The following CEP57 variants were observed in gnomAD, a reference collection of about 807,000 sequenced individuals.
CEP57 encodes centrosomal protein of 57 kDa.
A neutral mutation model predicts 68.0 loss-of-function variants in CEP57; 40 were observed. The observed-to-expected ratio is 0.59, with a 90% CI of 0.46 to 0.77. The LOEUF (loss-of-function observed/expected upper bound fraction) is 0.77, where lower values mean the gene tolerates loss of function less well. Ranked by LOEUF, CEP57 falls within the 30% of genes least tolerant of loss-of-function variation. The pLI is 0.00. For missense variants in CEP57, 606 were observed against 580.7 expected (o/e 1.04, Z -0.45); for synonymous variants, 219 against 198.7 (o/e 1.10, Z -0.86).
At chr11:95,822,066 A>G (rs530427449) in intron 7 of CEP57, 88 bp downstream of exon 7, 129 of 849,652 alleles carry the variant, frequency 1.5e-4, no homozygotes, top group Non-Finnish European at 2.5e-4. Context: ...GTGTACTACA[A>G]CCTTGAGAGA....
chr11:95,790,276 A>C, upstream of CEP57: 1 of 261,894 alleles, frequency 3.8e-6, no homozygotes, highest in Non-Finnish European at 7.5e-6. Flanking sequence ...TTCAGTTGCC[A>C]CTGGCGACAC....
chr11:95,806,508 A>G (rs1396379342), intron 2 of CEP57, among the ~76,000 whole-genome samples: 1 of 152,162 alleles, frequency 6.6e-6, no homozygotes, highest in Non-Finnish European at 1.5e-5. Context: ...CTGGAAAATC[A>G]GGACACTCCC....
chr11:95,828,092 T>G, intron 9 of CEP57, 65 bp downstream of exon 9: 1 of 1,523,374 alleles, frequency 6.6e-7, no homozygotes, highest in Non-Finnish European at 8.9e-7. Context: ...AAAAACTTGT[T>G]GACTTTATTA....
At chr11:95,814,469 T>G (rs1364725468) in intron 4 of CEP57, among the ~76,000 whole-genome samples, 1 of 151,306 alleles carries the variant, frequency 6.6e-6, no homozygotes, top group Non-Finnish European at 1.5e-5. Context: ...CAAGTGATTC[T>G]CCTGCCTCAG....
At chr11:95,803,716 T>C (rs987555309) in intron 2 of CEP57, among the ~76,000 whole-genome samples, 11 of 151,386 alleles carry the variant, frequency 7.3e-5, no homozygotes, top group African/African-American at 2.7e-4. Context: ...GGCTTGTAAC[T>C]AGCTTCATTT....
At chr11:95,791,813 C>G in intron 1 of CEP57, among the ~76,000 whole-genome samples, 1 of 152,022 alleles carries the variant, frequency 6.6e-6, no homozygotes. Flanking sequence ...GGAGTATGTG[C>G]TAGAACAGTA....
chr11:95,806,583 C>A (rs1005195007), intron 2 of CEP57, among the ~76,000 whole-genome samples: 4 of 150,958 alleles, frequency 2.6e-5, no homozygotes, highest in Non-Finnish European at 4.4e-5. Context: ...TATCCTGTTC[C>A]TGGCTCTGAG....
At chr11:95,790,338 C>T, upstream of CEP57, 1 of 384,952 alleles carries the variant, frequency 2.6e-6, no homozygotes, top group Middle Eastern at 7.6e-4. Flanking sequence ...CCGTAGAATC[C>T]CCGCAGAGCC....
At position 95,817,797 on chromosome 11, in the gene CEP57, A is replaced by G. The variant is rs2135337872; in HGVS notation, c.515A>G (p.Glu172Gly). 1.2e-6 allele frequency: 2 copies of G among 1,611,916 alleles called. No homozygotes were observed. The highest frequency in any genetic ancestry group is 2.2e-5 in the East Asian group (1 of 44,804). The change falls in exon 5 of 11, where the codon GAA (glutamate) becomes GGA (glycine). Residue 172 changes from glutamate (E) to glycine (G), a missense_variant. Transcript: ENST00000325542. ...AATATTGTTTTTCAGGTTTCCCTAGAAAGAGAACGACAACATGATCAAACA... is the reference window on the plus strand; with the variant it reads ...AATATTGTTTTTCAGGTTTCCCTAGGAAGAGAACGACAACATGATCAAACA... ...TSVLEKQVSL[E>G]RERQHDQTHV... is the part of the protein sequence containing the mutation.
At chr11:95,800,925 G>A (rs1285699263) in intron 2 of CEP57, among the ~76,000 whole-genome samples, 1 of 152,202 alleles carries the variant, frequency 6.6e-6, no homozygotes, top group Non-Finnish European at 1.5e-5. Context: ...TATTTGGGAT[G>A]CTGTGGCATT....
In CEP57 at chr11:95,790,759, C is replaced by T. The variant is rs374203661; in HGVS notation, c.45+16C>T. 9.3e-6 allele frequency: 15 copies of T among 1,613,532 alleles called. No homozygotes were observed. Among genetic ancestry groups the T allele is most frequent in the Admixed American group, 1.7e-5 (1 of 59,966 alleles). ...TCACTTGTCGGTAAGAAGCAGTTGGCGCGAGTGGGCCCCACGTCGGCCCTA... is the reference window on the plus strand; with the variant it reads ...TCACTTGTCGGTAAGAAGCAGTTGGTGCGAGTGGGCCCCACGTCGGCCCTA... On this transcript the variant is annotated intron_variant, in intron 1 of 10. Coordinates refer to ENST00000325542, the MANE Select transcript of CEP57 (RefSeq NM_014679.5).
At chr11:95,803,369 G>A (rs1336125441) in intron 2 of CEP57, among the ~76,000 whole-genome samples, 1 of 152,152 alleles carries the variant, frequency 6.6e-6, no homozygotes, top group African/African-American at 2.4e-5. Context: ...CATCATCAAG[G>A]ATACAGTAGT....
At chr11:95,797,045 C>T (rs1332681178) in intron 1 of CEP57, among the ~76,000 whole-genome samples, 1 of 152,096 alleles carries the variant, frequency 6.6e-6, no homozygotes, top group African/African-American at 2.4e-5. Context: ...GCTTTCATTA[C>T]ATAAATACAT....
intron 2 of CEP57, among the ~76,000 whole-genome samples, chr11:95,803,664 G>A (rs1007084054): frequency 1.5e-4 from 23 of 148,980 alleles, no homozygotes; most frequent in Admixed American, 6.8e-4. Flanking sequence ...AGAACATTAG[G>A]GACTCAAACA....
intron 2 of CEP57, among the ~76,000 whole-genome samples, chr11:95,806,548 T>C (rs1228050980): frequency 6.6e-6 from 1 of 152,152 alleles, no homozygotes; most frequent in Non-Finnish European, 1.5e-5. Flanking sequence ...CCAATGGTCT[T>C]AGCAAACGGC....
Position 95,829,203 on chromosome 11 carries a change from G to A in CEP57, c.1144G>A (p.Ala382Thr). 1 of 1,613,918 alleles carries A rather than the reference G, an allele frequency of 6.2e-7. No individual in the cohort carries two copies. Among genetic ancestry groups the A allele is most frequent in the South Asian group, 1.1e-5 (1 of 91,056 alleles). ...TGTATATAGTGATCACCAGCAGCTT[G>A]CAAAACTTATCCAGGAGTCGCCAAC... is the stretch of plus-strand genomic sequence containing the variant. ...GQMSFDHQQLAKLIQESPTVE... is the reference protein window; with the variant it reads ...GQMSFDHQQLTKLIQESPTVE... The change falls in exon 10 of 11, where the codon GCA becomes ACA. Residue 382 changes from alanine to threonine, a missense_variant. Coordinates refer to ENST00000325542, the MANE Select transcript of CEP57 (RefSeq NM_014679.5).
At chr11:95,792,422 G>T (rs1255649923) in intron 1 of CEP57, among the ~76,000 whole-genome samples, 1 of 152,222 alleles carries the variant, frequency 6.6e-6, no homozygotes, top group Non-Finnish European at 1.5e-5. Flanking sequence ...TGAGGCTGAA[G>T]TGAGGTATGA....
chr11:95,820,978 C>T lies in CEP57; in HGVS notation c.700-893C>T, dbSNP rs1007334799. Among the ~76,000 whole-genome samples, 7 of 152,184 alleles carry T rather than the reference C, an allele frequency of 4.6e-5. No homozygotes were observed. In the East Asian group the frequency reaches 5.8e-4, roughly 13 times the overall value. On this transcript the variant is annotated intron_variant, in intron 6 of 10. Transcript: ENST00000325542. ...GAAGTATTAGTAATAATCTTAGTAT[C>T]TGTTTTTATGGAATCCAGTGGTTCT... is the stretch of plus-strand genomic sequence containing the variant.
At chr11:95,794,266 A>G (rs780011160) in intron 1 of CEP57, 1 of 455,970 alleles carries the variant, frequency 2.2e-6, no homozygotes, top group Non-Finnish European at 4.4e-6. Context: ...GGGTCATGGA[A>G]TATGTACTGT....
Sources: gnomAD v4.1 joint callset for allele counts (sites outside exome capture counted in the v4.1 genomes callset) on GRCh38, gnomAD v4.1.1 for gene constraint, MANE v1.5 for transcripts, NCBI Gene and HGNC (gene_info 2026-07-23, HGNC 2026-07-21) for gene names.